The following SNTG2 variants were observed in gnomAD, a reference collection of about 807,000 sequenced individuals.
SNTG2 encodes gamma-2-syntrophin.
In SNTG2, 74 loss-of-function variants were observed where a neutral mutation model predicts 70.9. The observed-to-expected ratio is 1.04, with a 90% confidence interval of 0.86 to 1.27. The LOEUF is 1.27. Ranked by LOEUF, SNTG2 falls within the 50% of genes most tolerant of loss-of-function variation. The pLI, the probability that SNTG2 is intolerant of heterozygous loss-of-function variation, is 0.00. For synonymous variants in SNTG2, 278 were observed against 273.8 expected, an observed-to-expected ratio of 1.02 and a Z score of -0.15; for missense variants, 717 against 690.7, an observed-to-expected ratio of 1.04 and a Z score of -0.43.
rs184698631 is a variant in SNTG2 at position 1,217,842 on chromosome 2, G to A, written c.719+8612G>A. On this transcript the variant is annotated intron_variant, in intron 9 of 16. Transcript: ENST00000308624. Reference sequence around the variant, plus strand: ...TACCATATCAGTTTTCTATTGCCATGTAACAAACCTGTGCAAACTTAGCAG... The same window carrying A: ...TACCATATCAGTTTTCTATTGCCATATAACAAACCTGTGCAAACTTAGCAG... 1.8e-4 allele frequency among the ~76,000 whole-genome samples: 27 copies of A among 152,262 alleles called. 1 individual carries two copies. Among genetic ancestry groups the A allele is most frequent in the East Asian group, 5.8e-4 (3 of 5,174 alleles).
At chr2:1,062,176 G>A (rs963229558) in intron 1 of SNTG2, among the ~76,000 whole-genome samples, 7 of 152,120 alleles carry the variant, frequency 4.6e-5, no homozygotes, top group Non-Finnish European at 8.8e-5. Flanking sequence ...TAAGTTGCTG[G>A]TAGGAATATA....
chr2:1,280,025 A>G (rs1679451227), intron 14 of SNTG2, among the ~76,000 whole-genome samples: 1 of 152,256 alleles, frequency 6.6e-6, no homozygotes, highest in South Asian at 2.1e-4. Flanking sequence ...AGCACTTCAC[A>G]TGGAAATATG....
chr2:1,169,050 C>A lies in SNTG2; in HGVS notation c.499+3415C>A, dbSNP rs373056084. 9.9e-5 allele frequency among the ~76,000 whole-genome samples: 15 copies of A among 152,200 alleles called. No homozygotes were observed. The East Asian group carries it at 1.4e-3, about 14-fold the overall frequency. On this transcript the variant is annotated intron_variant, in intron 7 of 16. Transcript: ENST00000308624. The stretch of plus-strand genomic sequence containing the variant: ...CCAGCAGGGAGACTCAGGTGTCAGA[C>A]GCACATCAGGAGGCCCAGCAGTGAG...
intron 4 of SNTG2, among the ~76,000 whole-genome samples, chr2:1,124,318 A>ATTTTTG (rs367598410): frequency 6.7e-6 from 1 of 148,390 alleles, no homozygotes; most frequent in Admixed American, 6.7e-5. Context: ...TTTCTCAGAC[A>ATTTTTG]GAGGCTTGCT....
At chr2:1,255,885 A>AATATATATATAAATATATATAAAT (rs1305282798) in intron 12 of SNTG2, among the ~76,000 whole-genome samples, 1,399 of 89,142 alleles carry the variant, frequency 0.016, 25 homozygotes, top group Non-Finnish European at 0.021. Flanking sequence ...TATATATATA[A>AATATATATATAAATATATATAAAT]ATATATATAA....
At chr2:1,132,549 T>C (rs979955944) in intron 4 of SNTG2, among the ~76,000 whole-genome samples, 4 of 152,218 alleles carry the variant, frequency 2.6e-5, no homozygotes, top group Admixed American at 6.5e-5. Context: ...CAAAAGATCA[T>C]GTGTCATCGT....
intron 9 of SNTG2, chr2:1,220,143 G>A (rs1392929090): frequency 6.6e-6 from 1 of 152,312 alleles, no homozygotes; most frequent in African/African-American, 2.4e-5. Flanking sequence ...CCGCACACAG[G>A]GCACTCCTTA....
intron 10 of SNTG2, among the ~76,000 whole-genome samples, chr2:1,239,213 A>G (rs1676885967): frequency 6.6e-6 from 1 of 152,150 alleles, no homozygotes; most frequent in Non-Finnish European, 1.5e-5. Flanking sequence ...GAAGTCAGAC[A>G]CCCCAATATT....
intron 9 of SNTG2, among the ~76,000 whole-genome samples, chr2:1,222,057 GTCTCTGTTTC>G (rs1675131998): frequency 6.2e-5 from 2 of 32,368 alleles, no homozygotes; most frequent in African/African-American, 1.3e-4. Context: ...GTCTCTCTCT[GTCTCTGTTTC>G]TCTCTGTCTC....
At chr2:1,016,320 C>T (rs1659890517) in intron 1 of SNTG2, among the ~76,000 whole-genome samples, 2 of 152,338 alleles carry the variant, frequency 1.3e-5, no homozygotes, top group Middle Eastern at 3.4e-3. Flanking sequence ...TGGCTCACTG[C>T]AGCCTCTGCC....
intron 2 of SNTG2, among the ~76,000 whole-genome samples, chr2:1,093,628 T>G (rs763193671): frequency 1.3e-5 from 2 of 152,260 alleles, no homozygotes; most frequent in Non-Finnish European, 2.9e-5. Context: ...CTCTCAACTT[T>G]GACACACTGA....
intron 4 of SNTG2, among the ~76,000 whole-genome samples, chr2:1,121,806 G>A (rs545420234): frequency 1.3e-5 from 2 of 152,292 alleles, no homozygotes; most frequent in East Asian, 1.9e-4. Context: ...CCCTTGACAC[G>A]TGGGGATCAG....
intron 13 of SNTG2, among the ~76,000 whole-genome samples, chr2:1,260,854 C>G (rs10187695): frequency 0.31 from 46,392 of 151,902 alleles, 7,982 homozygotes; most frequent in African/African-American, 0.47. Flanking sequence ...TTTCGCTTCT[C>G]CCCCCTCTTG....
intron 16 of SNTG2, among the ~76,000 whole-genome samples, chr2:1,337,661 A>G (rs1178807542): frequency 2.6e-5 from 4 of 152,226 alleles, no homozygotes; most frequent in Admixed American, 1.3e-4. Flanking sequence ...CTTTGTTTAC[A>G]GTGTCCTTTG....
intron 16 of SNTG2, among the ~76,000 whole-genome samples, chr2:1,363,573 T>A (rs1661315498): frequency 6.6e-6 from 1 of 152,174 alleles, no homozygotes; most frequent in Non-Finnish European, 1.5e-5. Context: ...CATCAGCCCA[T>A]GACCGACATG....
chr2:1,081,815 A>G (rs1440413544), intron 1 of SNTG2, among the ~76,000 whole-genome samples: 1 of 152,270 alleles, frequency 6.6e-6, no homozygotes, highest in African/African-American at 2.4e-5. Context: ...GGATGGGAAG[A>G]AACCATTAGA....
At chr2:1,235,413 C>A (rs2148094075) in intron 9 of SNTG2, among the ~76,000 whole-genome samples, 1 of 134,748 alleles carries the variant, frequency 7.4e-6, no homozygotes, top group East Asian at 2.3e-4. Context: ...CCCTGCAGGC[C>A]CCACCAGGCA....
chr2:1,243,495 A>T (rs900198067), intron 11 of SNTG2, among the ~76,000 whole-genome samples: 1 of 152,226 alleles, frequency 6.6e-6, no homozygotes, highest in Non-Finnish European at 1.5e-5. Context: ...GCCATGCTGG[A>T]AAAAGAATCC....
At chr2:1,186,347 T>G (rs1035653329) in intron 8 of SNTG2, among the ~76,000 whole-genome samples, 8 of 152,234 alleles carry the variant, frequency 5.3e-5, no homozygotes, top group African/African-American at 1.9e-4. Flanking sequence ...CAAACTGTTC[T>G]GATCTCTGCC....
Sources: allele counts gnomAD v4.1 joint callset (sites outside exome capture counted in the v4.1 genomes callset), GRCh38; gene constraint gnomAD v4.1.1; transcripts MANE v1.5; gene names NCBI Gene and HGNC (gene_info 2026-07-23, HGNC 2026-07-21).